PANX1: variants seen among roughly 807,000 people sequenced by gnomAD.
PANX1 encodes the protein pannexin-1.
PANX1 carries 30 observed loss-of-function variants against 38.7 expected under a neutral mutation model. That is an observed-to-expected ratio of 0.78 (90% CI 0.58 to 1.05). The LOEUF is 1.05. PANX1 is among the 50% of genes least tolerant of loss of function. The probability of loss-of-function intolerance (pLI) is 0.00; values close to 1 mark genes in which losing one functional copy is unlikely to be tolerated. For synonymous variants in PANX1, 230 were observed against 212.2 expected, an observed-to-expected ratio of 1.08 and a Z score of -0.73; for missense variants, 551 against 517.2, an observed-to-expected ratio of 1.07 and a Z score of -0.63.
chr11:94,130,281 C>T (rs1269273884), intron 1 of PANX1, among the ~76,000 whole-genome samples: 1 of 152,082 alleles, frequency 6.6e-6, no homozygotes, highest in Non-Finnish European at 1.5e-5. Flanking sequence ...GGACCCAGTG[C>T]GGCTGGACTT....
intron 2 of PANX1, among the ~76,000 whole-genome samples, chr11:94,161,084 C>G (rs574475260): frequency 7.9e-4 from 121 of 152,302 alleles, no homozygotes; most frequent in African/African-American, 2.8e-3. Context: ...GAGTTTCTGC[C>G]GAGAAATCAG....
At chr11:94,134,393 G>T (rs544434505) in intron 1 of PANX1, among the ~76,000 whole-genome samples, 1 of 152,178 alleles carries the variant, frequency 6.6e-6, no homozygotes, top group East Asian at 1.9e-4. Context: ...ATTGCATGAC[G>T]TGACCTTCAA....
intron 2 of PANX1, among the ~76,000 whole-genome samples, chr11:94,155,443 G>A (rs1405706869): frequency 6.6e-6 from 1 of 151,942 alleles, no homozygotes; most frequent in Non-Finnish European, 1.5e-5. Context: ...GAATGCGGGA[G>A]GTAGAGGTTG....
chr11:94,157,976 C>T (rs923024365), intron 2 of PANX1, among the ~76,000 whole-genome samples: 5 of 152,138 alleles, frequency 3.3e-5, no homozygotes, highest in African/African-American at 1.2e-4. Context: ...AGCCAGTTTT[C>T]CCAGTACCAT....
At chr11:94,131,787 A>G (rs1363397524) in intron 1 of PANX1, among the ~76,000 whole-genome samples, 1 of 152,218 alleles carries the variant, frequency 6.6e-6, no homozygotes, top group Non-Finnish European at 1.5e-5. Context: ...TGGAGTTGGT[A>G]CAGTGGGAGG....
chr11:94,161,704 G>A (rs892424591), intron 2 of PANX1, among the ~76,000 whole-genome samples: 5 of 152,078 alleles, frequency 3.3e-5, no homozygotes, highest in African/African-American at 1.2e-4. Flanking sequence ...ATCGTCTGAT[G>A]CCTTCTTCTC....
chr11:94,129,179 C>T lies in PANX1; in HGVS notation c.-134C>T, dbSNP rs78409697. 833 of 656,944 alleles carry T rather than the reference C, an allele frequency of 1.3e-3. 7 individuals carry two copies. The African/African-American group carries it at 0.014, about 11-fold the overall frequency. The allele number at this position is 656,944 out of a possible 1,614,324, so 40.7% of individuals were successfully genotyped here. The stretch of plus-strand genomic sequence containing the variant: ...AGCCTGAGGCACCGAGACACAAAGG[C>T]AGGCGGGATGCGGGAGCAGGCAAAG... On this transcript the variant is annotated 5_prime_UTR_variant, in exon 1 of 5. Transcript: ENST00000227638.
chr11:94,141,978 G>A (rs770673172), intron 1 of PANX1, among the ~76,000 whole-genome samples: 12 of 152,188 alleles, frequency 7.9e-5, no homozygotes, highest in Non-Finnish European at 1.5e-4. Context: ...GACAGGTGAC[G>A]ACCTGGGGCT....
chr11:94,169,850 T>C (rs1382881468), intron 2 of PANX1, among the ~76,000 whole-genome samples: 1 of 151,618 alleles, frequency 6.6e-6, no homozygotes, highest in Non-Finnish European at 1.5e-5. Flanking sequence ...AGAAAAAATT[T>C]CTGTGGTTTT....
At chr11:94,176,170 A>T (rs1947230241) in intron 2 of PANX1, among the ~76,000 whole-genome samples, 1 of 151,752 alleles carries the variant, frequency 6.6e-6, no homozygotes, top group African/African-American at 2.4e-5. Flanking sequence ...TCACTACTTC[A>T]AAGTTTCAAT....
intron 1 of PANX1, among the ~76,000 whole-genome samples, chr11:94,146,660 C>T (rs1946831640): frequency 6.6e-6 from 1 of 152,220 alleles, no homozygotes; most frequent in African/African-American, 2.4e-5. Flanking sequence ...TTTGGAGAAA[C>T]AATCAGACAG....
At chr11:94,156,358 T>G (rs1473085728) in intron 2 of PANX1, among the ~76,000 whole-genome samples, 1 of 152,184 alleles carries the variant, frequency 6.6e-6, no homozygotes, top group African/African-American at 2.4e-5. Context: ...GAAGACTGCT[T>G]GTTTGAATGG....
chr11:94,151,866 C>G lies in PANX1; in HGVS notation c.182-1625C>G, dbSNP rs543162905. Among the ~76,000 whole-genome samples the G allele has an allele frequency of 2.8e-4, 43 of 152,300 alleles. No individual in the cohort carries two copies. The South Asian group carries it at 8.7e-3, about 31-fold the overall frequency. On this transcript the variant is annotated intron_variant, in intron 1 of 4. Transcript: ENST00000227638. ...TTCATGATGATTTCCTGTAAAGCCT[C>G]TTGCTGACAAGTCCTTTCTTGATGG... is the stretch of plus-strand genomic sequence containing the variant.
intron 2 of PANX1, chr11:94,175,631 C>T (rs11827116): frequency 2.0e-6 from 1 of 511,446 alleles, no homozygotes; most frequent in African/African-American, 2.1e-5. Context: ...GATAGAATGC[C>T]TGGCTTTCGT....
intron 2 of PANX1, among the ~76,000 whole-genome samples, chr11:94,171,588 G>A (rs1341761569): frequency 6.6e-6 from 1 of 151,528 alleles, no homozygotes; most frequent in Non-Finnish European, 1.5e-5. Context: ...AAAGGATGGG[G>A]GATTAGAGGC....
Position 94,179,605 on chromosome 11 carries a change from G to C in PANX1, c.549G>C (p.Leu183Phe). The part of the protein sequence containing the change: ...PGVTENLGQS[L>F]WEVSESHFKY... ...TTTTGTTTCCTTTATTTTTTAGTTT[G>C]TGGGAGGTATCTGAAAGCCACTTCA... The change falls in exon 4 of 5, where the codon TTG becomes TTC. Residue 183 changes from leucine to phenylalanine, a missense_variant. By Grantham distance (22) the Leu-to-Phe change is conservative (BLOSUM62 0). Transcript: ENST00000227638. 6.2e-7 allele frequency: 1 copy of C among 1,611,668 alleles called. No homozygotes were observed. Among genetic ancestry groups the C allele is most frequent in the Non-Finnish European group, 8.5e-7 (1 of 1,178,256 alleles).
intron 2 of PANX1, among the ~76,000 whole-genome samples, chr11:94,155,540 A>G (rs1946940123): frequency 6.6e-6 from 1 of 152,008 alleles, no homozygotes; most frequent in Non-Finnish European, 1.5e-5. Context: ...AAATATATAA[A>G]AGTAATGGCA....
chr11:94,129,155 G>C lies in PANX1; in HGVS notation c.-158G>C, dbSNP rs1213182062. On this transcript the variant is annotated 5_prime_UTR_variant, in exon 1 of 5. Coordinates refer to ENST00000227638, the MANE Select transcript of PANX1 (RefSeq NM_015368.4). The stretch of plus-strand genomic sequence containing the variant: ...CGAGAGCCCAGCGGAGTCGCTGGGA[G>C]CCTGAGGCACCGAGACACAAAGGCA... 3 of 564,960 alleles carry C rather than the reference G, an allele frequency of 5.3e-6. No individual in the cohort carries two copies. The highest frequency in any genetic ancestry group is 9.0e-6 in the Non-Finnish European group (3 of 332,032). 35.0% of individuals were successfully genotyped at this position (564,960 alleles called of 1,614,324 possible).
At chr11:94,129,534 C>T in intron 1 of PANX1, 41 bp downstream of exon 1, 1 of 1,554,978 alleles carries the variant, frequency 6.4e-7, no homozygotes, top group South Asian at 1.2e-5. Context: ...CCGCCCCGGT[C>T]TGGCCCGGTG....
Sources: gnomAD v4.1 joint callset for allele counts (sites outside exome capture counted in the v4.1 genomes callset) on GRCh38, gnomAD v4.1.1 for gene constraint, MANE v1.5 for transcripts, NCBI Gene and HGNC (gene_info 2026-07-23, HGNC 2026-07-21) for gene names.